PTPRO: variants seen among roughly 807,000 people sequenced by gnomAD.
The protein encoded by PTPRO is receptor-type tyrosine-protein phosphatase O.
A neutral mutation model predicts 145.2 loss-of-function variants in PTPRO; 62 were observed. The observed-to-expected ratio is 0.43, with a 90% confidence interval of 0.35 to 0.53. The LOEUF is 0.53. Ranked by LOEUF, PTPRO falls within the 20% of genes least tolerant of loss-of-function variation. PTPRO has a pLI of 0.01. For synonymous variants in PTPRO, 565 were observed against 514.7 expected (o/e 1.10, Z -1.32); for missense variants, 1,345 against 1,482.7 (o/e 0.91, Z 1.53).
At chr12:15,569,774 G>C (rs768432930) in intron 19 of PTPRO, among the ~76,000 whole-genome samples, 40 of 152,308 alleles carry the variant, frequency 2.6e-4, no homozygotes, top group Non-Finnish European at 5.1e-4. Flanking sequence ...TTGAAAACCA[G>C]GGAAATCGAG....
intron 1 of PTPRO, among the ~76,000 whole-genome samples, chr12:15,438,317 A>C (rs1476415153): frequency 6.6e-6 from 1 of 152,178 alleles, no homozygotes; most frequent in Non-Finnish European, 1.5e-5. Flanking sequence ...GAATGTAGTG[A>C]AACCACCAAA....
chr12:15,465,784 T>C (rs1303888081), intron 1 of PTPRO, among the ~76,000 whole-genome samples: 1 of 151,998 alleles, frequency 6.6e-6, no homozygotes, highest in Non-Finnish European at 1.5e-5. Context: ...TTCATGGAGG[T>C]TGTGACAGAG....
At chr12:15,397,837 A>G (rs1364149753) in intron 1 of PTPRO, among the ~76,000 whole-genome samples, 6 of 152,146 alleles carry the variant, frequency 3.9e-5, no homozygotes, top group Non-Finnish European at 8.8e-5. Context: ...AACATCACCA[A>G]AACCATACCT....
At chr12:15,471,413 C>T (rs1941538980) in intron 1 of PTPRO, among the ~76,000 whole-genome samples, 1 of 151,996 alleles carries the variant, frequency 6.6e-6, no homozygotes, top group African/African-American at 2.4e-5. Flanking sequence ...GCACCAAATC[C>T]CACAGGAGTA....
chr12:15,437,610 G>A (rs900227981), intron 1 of PTPRO, among the ~76,000 whole-genome samples: 1 of 152,048 alleles, frequency 6.6e-6, no homozygotes, highest in South Asian at 2.1e-4. Flanking sequence ...TGCTTGCCTG[G>A]TGTGGCAACC....
chr12:15,437,202 A>G (rs1940620310), intron 1 of PTPRO, among the ~76,000 whole-genome samples: 1 of 149,346 alleles, frequency 6.7e-6, no homozygotes, highest in Non-Finnish European at 1.5e-5. Flanking sequence ...TGAGCCACCT[A>G]CCCTCCTTGT....
At position 15,322,880 on chromosome 12, in the gene PTPRO, A is replaced by G. The variant is rs1273936576; in HGVS notation, c.75+79A>G. 3 of 1,459,974 alleles carry G rather than the reference A, an allele frequency of 2.1e-6. No homozygotes were observed. The highest frequency in any genetic ancestry group is 2.8e-6 in the Non-Finnish European group (3 of 1,065,932). The allele number at this position is 1,459,974 out of a possible 1,614,324, so 90.4% of individuals were successfully genotyped here. On this transcript the variant is annotated intron_variant, in intron 1 of 26. Transcript: ENST00000281171. This position sits in a 1 kb window ranked among gnomAD's most constrained non-coding sequence, Gnocchi z 6.3. ...CCGGCGCCCTCGCTCTGCCGTTGGGAGCGGCGCGCCCCAGGGCACGATGGC... is the reference window on the plus strand; with the variant it reads ...CCGGCGCCCTCGCTCTGCCGTTGGGGGCGGCGCGCCCCAGGGCACGATGGC...
chr12:15,466,737 T>C (rs1941426439), intron 1 of PTPRO, among the ~76,000 whole-genome samples: 2 of 152,326 alleles, frequency 1.3e-5, no homozygotes, highest in East Asian at 3.9e-4. Context: ...CTGTATACGA[T>C]GCAACCAACG....
chr12:15,468,323 C>T (rs549942268), intron 1 of PTPRO, among the ~76,000 whole-genome samples: 265 of 152,328 alleles, frequency 1.7e-3, no homozygotes, highest in Middle Eastern at 3.4e-3. Flanking sequence ...TGCTGAATAA[C>T]CCATAAGTGT....
At chr12:15,356,662 A>G (rs943297299) in intron 1 of PTPRO, among the ~76,000 whole-genome samples, 7 of 152,150 alleles carry the variant, frequency 4.6e-5, no homozygotes, top group African/African-American at 1.7e-4. Flanking sequence ...CTTTCCATCA[A>G]ACATATTTTA....
At chr12:15,405,909 G>A (rs1402456140) in intron 1 of PTPRO, among the ~76,000 whole-genome samples, 2 of 152,126 alleles carry the variant, frequency 1.3e-5, no homozygotes, top group East Asian at 3.8e-4. Flanking sequence ...GTGGGAGAGA[G>A]TTGTAATACA....
intron 17 of PTPRO, among the ~76,000 whole-genome samples, chr12:15,561,604 G>A (rs1481947103): frequency 2.6e-5 from 4 of 152,096 alleles, no homozygotes; most frequent in Non-Finnish European, 5.9e-5. Context: ...CTTCAGCACA[G>A]TCAACTCCGT....
At chr12:15,420,187 A>G (rs1420332490) in intron 1 of PTPRO, among the ~76,000 whole-genome samples, 2 of 148,834 alleles carry the variant, frequency 1.3e-5, no homozygotes, top group Non-Finnish European at 3.0e-5. Flanking sequence ...TCCCCTCTGA[A>G]TTGTACTCTT....
intron 8 of PTPRO, 148 bp downstream of exon 8, chr12:15,515,766 A>G: frequency 9.1e-7 from 1 of 1,102,908 alleles, no homozygotes. Flanking sequence ...AATAAATAAC[A>G]AGAATTGTAT....
chr12:15,493,328 A>G (rs916600378), intron 2 of PTPRO, among the ~76,000 whole-genome samples: 1 of 152,160 alleles, frequency 6.6e-6, no homozygotes, highest in African/African-American at 2.4e-5. Flanking sequence ...TAACACCTAT[A>G]GCTCTGAGTT....
intron 1 of PTPRO, among the ~76,000 whole-genome samples, chr12:15,427,543 A>G (rs1243055141): frequency 6.6e-6 from 1 of 151,668 alleles, no homozygotes; most frequent in Admixed American, 6.6e-5. Context: ...GAAAACTGAT[A>G]ATTTTATCTC....
chr12:15,324,095 T>C (rs1204492284), intron 1 of PTPRO, among the ~76,000 whole-genome samples: 2 of 152,090 alleles, frequency 1.3e-5, no homozygotes, highest in African/African-American at 4.8e-5. Flanking sequence ...CTGTAGGAGG[T>C]TGTTCTTTCA....
In PTPRO at chr12:15,597,768, A is replaced by ACCT. The variant is rs1202762317; in HGVS notation, c.*1703_*1705dup. The stretch of plus-strand genomic sequence containing the variant: ...AGTTCCTACTCACCTCCCTGCTACC[A>ACCT]CCTCCTCCTCTTCTTCTCACCCCCG... On this transcript the variant is annotated 3_prime_UTR_variant, in exon 27 of 27. Coordinates refer to ENST00000281171, the MANE Select transcript of PTPRO (RefSeq NM_030667.3). Among the ~76,000 whole-genome samples the ACCT allele has an allele frequency of 1.3e-5, 2 of 151,620 alleles. No individual in the cohort carries two copies. The highest frequency in any genetic ancestry group is 2.9e-5 in the Non-Finnish European group (2 of 67,836).
chr12:15,331,941 C>T (rs919801939), intron 1 of PTPRO, among the ~76,000 whole-genome samples: 3 of 149,570 alleles, frequency 2.0e-5, no homozygotes, highest in Non-Finnish European at 4.4e-5. Context: ...ATTATAGTAT[C>T]CTTTTTGTTT....
Sources: gnomAD v4.1 joint callset for allele counts (sites outside exome capture counted in the v4.1 genomes callset) on GRCh38, gnomAD v4.1.1 for gene constraint, Gnocchi (gnomAD v3.1) non-coding constraint, MANE v1.5 for transcripts, NCBI Gene and HGNC (gene_info 2026-07-23, HGNC 2026-07-21) for gene names.